Variants in PCDHGB3 observed in about 807,000 individuals in gnomAD.
The protein encoded by PCDHGB3 is protocadherin gamma-B3.
Under a neutral mutation model 59.2 loss-of-function variants are expected in PCDHGB3, and 40 were observed. That is an observed-to-expected ratio of 0.68 (90% CI 0.52 to 0.88). The LOEUF (loss-of-function observed/expected upper bound fraction) is 0.88, where lower values mean the gene tolerates loss of function less well. Ranked by LOEUF, PCDHGB3 falls within the 40% of genes least tolerant of loss-of-function variation. The probability of loss-of-function intolerance (pLI) is 0.00; values close to 1 mark genes in which losing one functional copy is unlikely to be tolerated. For missense variants in PCDHGB3, 1,309 were observed against 1,187.9 expected (o/e 1.10, Z -1.50); for synonymous variants, 581 against 503.6 (o/e 1.15, Z -2.06).
At chr5:141,492,449 T>C (rs1045043841) in intron 1 of PCDHGB3, among the ~76,000 whole-genome samples, 50 of 152,314 alleles carry the variant, frequency 3.3e-4, no homozygotes, top group African/African-American at 1.2e-3. Flanking sequence ...TAGCTGATTG[T>C]GCGCGCCTGA....
chr5:141,452,830 T>A (rs2098749929), intron 1 of PCDHGB3, among the ~76,000 whole-genome samples: 1 of 152,166 alleles, frequency 6.6e-6, no homozygotes, highest in South Asian at 2.1e-4. Context: ...CAAAATCACT[T>A]GGTCCAGCCC....
At chr5:141,434,658 T>C (rs1243599957) in intron 1 of PCDHGB3, among the ~76,000 whole-genome samples, 2 of 152,198 alleles carry the variant, frequency 1.3e-5, no homozygotes, top group African/African-American at 2.4e-5. Flanking sequence ...ATCTAATATC[T>C]ATAGAAATGA....
In PCDHGB3 at chr5:141,372,129, C is replaced by T. The variant is rs62620756; in HGVS notation, c.1735C>T (p.Pro579Ser). The change falls in exon 1 of 4, where the codon CCG becomes TCG. Residue 579 changes from proline to serine, a missense_variant. Transcript: ENST00000576222. ...AGGCTCTGCGCTCTTCGATATGGTG[C>T]CGCGCTCTGCAGAGCCTGGCTACCT... ...PEGSALFDMVPRSAEPGYLVT... is the reference protein window; with the variant it reads ...PEGSALFDMVSRSAEPGYLVT... 5 of 1,613,514 alleles carry T rather than the reference C, an allele frequency of 3.1e-6. No individual in the cohort carries two copies. The highest frequency in any genetic ancestry group is 1.3e-5 in the African/African-American group (1 of 74,914).
At chr5:141,423,147 G>A (rs545052756) in intron 1 of PCDHGB3, 4 of 1,613,578 alleles carry the variant, frequency 2.5e-6, no homozygotes, top group African/African-American at 2.7e-5. Context: ...ACGCGCTCAA[G>A]CAGAGCCTCG....
chr5:141,415,756 T>C, intron 1 of PCDHGB3: 2 of 1,387,344 alleles, frequency 1.4e-6, no homozygotes, highest in Non-Finnish European at 1.9e-6. Flanking sequence ...TTTTTTTTTT[T>C]TTTTTTTTTT....
chr5:141,381,044 T>G (rs745590770), intron 1 of PCDHGB3, among the ~76,000 whole-genome samples: 1 of 152,278 alleles, frequency 6.6e-6, no homozygotes, highest in Admixed American at 6.5e-5. Flanking sequence ...AAAATTTATC[T>G]ACTTTGTGAA....
Position 141,487,540 on chromosome 5 carries a change from G to T in PCDHGB3, c.2416-7267G>T, listed in dbSNP as rs1319372340. The T allele has an allele frequency of 1.2e-6, 2 of 1,614,208 alleles. No homozygotes were observed. Among genetic ancestry groups the T allele is most frequent in the Admixed American group, 3.3e-5 (2 of 60,034 alleles). ...GGAGTGATAGCTTCATGATGGTGAA[G>T]TCACCCAGTGCACCTATGGCAGGGG... is the stretch of plus-strand genomic sequence containing the variant. On this transcript the variant is annotated intron_variant, in intron 1 of 3. Transcript: ENST00000576222. This position sits in a 1 kb window ranked among gnomAD's most constrained non-coding sequence, Gnocchi z 5.0.
At chr5:141,488,213 C>T (rs1261280988) in intron 1 of PCDHGB3, among the ~76,000 whole-genome samples, 1 of 152,118 alleles carries the variant, frequency 6.6e-6, no homozygotes, top group Non-Finnish European at 1.5e-5. Context: ...CATATCAAGT[C>T]CCTACTGGGG....
chr5:141,403,787 T>A (rs1213408515), intron 1 of PCDHGB3: 3 of 1,613,818 alleles, frequency 1.9e-6, no homozygotes, highest in Non-Finnish European at 2.5e-6. Flanking sequence ...AAAAGTGGCA[T>A]ACAAATTCTG....
At chr5:141,409,984 GGACGCC>G (rs2095344357) in intron 1 of PCDHGB3, 1 of 1,613,210 alleles carries the variant, frequency 6.2e-7, no homozygotes, top group Admixed American at 1.7e-5. Context: ...TGGTAGCGGT[GGACGCC>G]GACTCGGGAC....
chr5:141,476,837 G>A lies in PCDHGB3; in HGVS notation c.2416-17970G>A, dbSNP rs1160244271. 4 of 1,613,534 alleles carry A rather than the reference G, an allele frequency of 2.5e-6. No individual in the cohort carries two copies. The highest frequency in any genetic ancestry group is 3.4e-6 in the Non-Finnish European group (4 of 1,180,054). On this transcript the variant is annotated intron_variant, in intron 1 of 3. Coordinates refer to ENST00000576222, the MANE Select transcript of PCDHGB3 (RefSeq NM_018924.5). The surrounding 1 kb of genome is among the most constrained non-coding windows in gnomAD (Gnocchi z 7.6). Reference sequence around the variant, plus strand: ...CAAGGTGCTGGACGCGAATGACAATGCGCCTGTCTTCAACCAGTCCTTGTA... The same window carrying A: ...CAAGGTGCTGGACGCGAATGACAATACGCCTGTCTTCAACCAGTCCTTGTA...
rs374663576 is a variant in PCDHGB3 at position 141,489,905 on chromosome 5, G to A, written c.2416-4902G>A. The A allele has an allele frequency of 2.8e-4, 459 of 1,614,108 alleles. No homozygotes were observed. Among genetic ancestry groups the A allele is most frequent in the Non-Finnish European group, 3.4e-4 (405 of 1,180,054 alleles). On this transcript the variant is annotated intron_variant, in intron 1 of 3. Coordinates refer to ENST00000576222, the MANE Select transcript of PCDHGB3 (RefSeq NM_018924.5). The surrounding 1 kb of genome is among the most constrained non-coding windows in gnomAD (Gnocchi z 4.5). ...GCTGTGGATGGGGGGACCCCAGCCC[G>A]CTCAGGGACCACCCTTATCTCTGTC...
chr5:141,383,900 T>C (rs766644204), intron 1 of PCDHGB3: 6 of 1,613,976 alleles, frequency 3.7e-6, no homozygotes, highest in Non-Finnish European at 5.1e-6. Context: ...GCAAAAGTAC[T>C]GATCACAGTT....
At chr5:141,444,329 G>A (rs536314842) in intron 1 of PCDHGB3, among the ~76,000 whole-genome samples, 17 of 151,674 alleles carry the variant, frequency 1.1e-4, no homozygotes, top group Admixed American at 1.1e-3. Flanking sequence ...GTGCCACCAC[G>A]CCCAGCTAAT....
intron 1 of PCDHGB3, chr5:141,400,586 A>G (rs963844263): frequency 6.2e-7 from 1 of 1,607,730 alleles, no homozygotes; most frequent in Non-Finnish European, 8.5e-7. Context: ...TTTACATGAA[A>G]CTATCGTACA....
intron 1 of PCDHGB3, chr5:141,379,281 T>G (rs1775489510): frequency 2.6e-5 from 4 of 152,252 alleles, no homozygotes; most frequent in Admixed American, 2.6e-4. Context: ...ATTTATTTAT[T>G]TCAAGTTTCC....
At chr5:141,474,323 C>T (rs1176074252) in intron 1 of PCDHGB3, among the ~76,000 whole-genome samples, 2 of 152,186 alleles carry the variant, frequency 1.3e-5, no homozygotes, top group Non-Finnish European at 2.9e-5. Context: ...GTTTTCAAAT[C>T]ACCCTGATGT....
intron 2 of PCDHGB3, among the ~76,000 whole-genome samples, chr5:141,496,582 G>A (rs991035985): frequency 1.9e-4 from 29 of 152,100 alleles, no homozygotes; most frequent in Non-Finnish European, 3.5e-4. Flanking sequence ...TTTTAGGAAC[G>A]CAAAGCGCTT....
intron 1 of PCDHGB3, among the ~76,000 whole-genome samples, chr5:141,380,858 G>A (rs1193255513): frequency 6.6e-6 from 1 of 152,216 alleles, no homozygotes; most frequent in Non-Finnish European, 1.5e-5. Flanking sequence ...AAGACATTGA[G>A]AGCTATAACC....
Sources: gnomAD v4.1 joint callset for allele counts (sites outside exome capture counted in the v4.1 genomes callset) on GRCh38, gnomAD v4.1.1 for gene constraint, Gnocchi (gnomAD v3.1) non-coding constraint, MANE v1.5 for transcripts, NCBI Gene and HGNC (gene_info 2026-07-23, HGNC 2026-07-21) for gene names.